Variants in ORC2 observed in about 807,000 individuals in gnomAD.
The protein encoded by ORC2 is origin recognition complex protein 2 homolog.
In ORC2, 37 loss-of-function variants were observed where a neutral mutation model predicts 77.7. The observed-to-expected ratio is 0.48, with a 90% CI of 0.37 to 0.63. The LOEUF (loss-of-function observed/expected upper bound fraction) is 0.63. Among genes scored for constraint, ORC2 ranks in the 20% least tolerant of loss-of-function variants. The pLI, the probability that ORC2 is intolerant of heterozygous loss-of-function variation, is 0.00. For synonymous variants in ORC2, 201 were observed against 229.5 expected (o/e 0.88, Z 1.12); for missense variants, 557 against 661.9 (o/e 0.84, Z 1.74).
At chr2:200,946,114 C>T (rs552880101) in intron 5 of ORC2, among the ~76,000 whole-genome samples, 36 of 152,064 alleles carry the variant, frequency 2.4e-4, no homozygotes, top group Middle Eastern at 3.4e-3. Flanking sequence ...ATTTCTAGCC[C>T]TATATCTTGG....
At chr2:200,945,132 C>T (rs930854789) in intron 5 of ORC2, among the ~76,000 whole-genome samples, 4 of 152,198 alleles carry the variant, frequency 2.6e-5, no homozygotes, top group Non-Finnish European at 5.9e-5. Context: ...CTGACCTTTG[C>T]TCTGTATTAA....
intron 4 of ORC2, among the ~76,000 whole-genome samples, chr2:200,956,115 T>A (rs2125033688): frequency 6.6e-6 from 1 of 152,360 alleles, no homozygotes; most frequent in African/African-American, 2.4e-5. Flanking sequence ...TCACCCAGGC[T>A]GAGTATAGTG....
chr2:200,930,295 C>T (rs2040916235), intron 11 of ORC2, among the ~76,000 whole-genome samples: 2 of 152,140 alleles, frequency 1.3e-5, no homozygotes, highest in South Asian at 4.1e-4. Flanking sequence ...AGAGAGCTAG[C>T]AATTCCAACA....
At position 200,952,675 on chromosome 2, in the gene ORC2, TAA is replaced by T. The variant is rs1315852689; in HGVS notation, c.239-3034_239-3033del. Among the ~76,000 whole-genome samples, 9 of 152,148 alleles carry T rather than the reference TAA, an allele frequency of 5.9e-5. No homozygotes were observed. In the East Asian group the frequency reaches 1.7e-3, roughly 29 times the overall value. The stretch of plus-strand genomic sequence containing the variant: ...TGAGAATGAGAAACTGTAAAAGATT[TAA>T]GAGAAAATTTGAGAAACATGAAAGC... On this transcript the variant is annotated intron_variant, in intron 4 of 17. Transcript: ENST00000234296.
At chr2:200,929,733 G>A (rs2040905395) in intron 11 of ORC2, among the ~76,000 whole-genome samples, 1 of 151,920 alleles carries the variant, frequency 6.6e-6, no homozygotes, top group East Asian at 1.9e-4. Context: ...GGAGGTTGGG[G>A]CTCCTTGAGC....
At chr2:200,930,952 T>C (rs1448815555) in intron 11 of ORC2, among the ~76,000 whole-genome samples, 1 of 152,176 alleles carries the variant, frequency 6.6e-6, no homozygotes, top group East Asian at 1.9e-4. Flanking sequence ...AAGATTAAAG[T>C]AAATATTATC....
At chr2:200,947,493 C>A (rs2041271067) in intron 5 of ORC2, among the ~76,000 whole-genome samples, 1 of 152,176 alleles carries the variant, frequency 6.6e-6, no homozygotes, top group Non-Finnish European at 1.5e-5. Context: ...AAACAAACCA[C>A]TGAAGAAATA....
Position 200,955,528 on chromosome 2 carries a change from C to T in ORC2, c.238+1873G>A, listed in dbSNP as rs534444309. Among the ~76,000 whole-genome samples the T allele has an allele frequency of 4.3e-4, 65 of 152,206 alleles. 1 individual carries two copies. The highest frequency in any genetic ancestry group is 1.5e-3 in the African/African-American group (64 of 41,508). Reference sequence around the variant, plus strand: ...GTCCAGATTTTAAAAATGAATTGAGCTAAATTGACTCTTGAGAATCTAGAA... The same window carrying T: ...GTCCAGATTTTAAAAATGAATTGAGTTAAATTGACTCTTGAGAATCTAGAA... On this transcript the variant is annotated intron_variant, in intron 4 of 17. Transcript: ENST00000234296.
At chr2:200,925,558 A>C (rs1431339700) in intron 13 of ORC2, among the ~76,000 whole-genome samples, 4 of 152,030 alleles carry the variant, frequency 2.6e-5, no homozygotes, top group Non-Finnish European at 5.9e-5. Flanking sequence ...TGGGCAACAT[A>C]GCGAGACCTC....
In ORC2 at chr2:200,935,888, T is replaced by G; in HGVS notation, c.519A>C (p.Pro173=). The change falls in exon 9 of 18, where the codon CCA becomes CCC. Residue 173 remains proline, a synonymous_variant. Transcript: ENST00000234296. ...CGCTTTCACTGTCAGAATGAGACCT[T>G]GGAACTGTGGGGGGAAAAATAGCAA... ...PRSLRKRLIV[P]RSHSDSESEY... The G allele has an allele frequency of 6.2e-7, 1 of 1,610,602 alleles. No individual in the cohort carries two copies. Among genetic ancestry groups the G allele is most frequent in the South Asian group, 1.1e-5 (1 of 90,400 alleles).
intron 1 of ORC2, 113 bp downstream of exon 1, chr2:200,963,377 T>C: frequency 2.5e-6 from 1 of 398,224 alleles, no homozygotes; most frequent in Non-Finnish European, 4.4e-6. Context: ...ATGCGCGACT[T>C]GGGACGCTAG....
At chr2:200,944,830 A>G (rs1374249392) in intron 5 of ORC2, among the ~76,000 whole-genome samples, 1 of 152,146 alleles carries the variant, frequency 6.6e-6, no homozygotes, top group Non-Finnish European at 1.5e-5. Context: ...ATGAGTCACC[A>G]CGCCCAGCGG....
rs2040540805 is a variant in ORC2 at position 200,910,993 on chromosome 2, TA to T, written c.*307del. 1 of 214,272 alleles carries T rather than the reference TA, an allele frequency of 4.7e-6. No individual in the cohort carries two copies. The highest frequency in any genetic ancestry group is 2.3e-5 in the African/African-American group (1 of 43,904). 13.3% of individuals were successfully genotyped at this position (214,272 alleles called of 1,614,324 possible). A position where few individuals can be genotyped will look rare whatever the true frequency, so the allele number is the denominator to read the frequency against. ...AAAAAATTCAGAATATCTCTAAGTATAAAATAATTCAAAAACATCCAGTTCC... is the reference window on the plus strand; with the variant it reads ...AAAAAATTCAGAATATCTCTAAGTATAAATAATTCAAAAACATCCAGTTCC... On this transcript the variant is annotated 3_prime_UTR_variant, in exon 18 of 18. Transcript: ENST00000234296.
At chr2:200,934,272 T>C (rs1298192386) in intron 9 of ORC2, among the ~76,000 whole-genome samples, 1 of 151,968 alleles carries the variant, frequency 6.6e-6, no homozygotes, top group African/African-American at 2.4e-5. Flanking sequence ...AGAGAGATGG[T>C]TTTATATATC....
chr2:200,956,610 G>A (rs986587979), intron 4 of ORC2, among the ~76,000 whole-genome samples: 5 of 152,016 alleles, frequency 3.3e-5, no homozygotes, highest in East Asian at 1.9e-4. Flanking sequence ...GATCACAGGC[G>A]TGAGCCACCA....
At chr2:200,922,596 CG>C (rs1454687251) in intron 13 of ORC2, among the ~76,000 whole-genome samples, 1 of 151,254 alleles carries the variant, frequency 6.6e-6, no homozygotes, top group Non-Finnish European at 1.5e-5. Context: ...CTCTTCTACT[CG>C]GGGGTAGATG....
intron 11 of ORC2, among the ~76,000 whole-genome samples, chr2:200,927,990 G>A (rs1384163299): frequency 6.6e-6 from 1 of 151,632 alleles, no homozygotes; most frequent in African/African-American, 2.4e-5. Flanking sequence ...GCAAGGCCAG[G>A]AATCAATGTT....
At chr2:200,955,829 T>C (rs1575186062) in intron 4 of ORC2, among the ~76,000 whole-genome samples, 1 of 152,320 alleles carries the variant, frequency 6.6e-6, no homozygotes. Flanking sequence ...CTGTGTTCCT[T>C]GTACCCAGGA....
intron 5 of ORC2, 119 bp downstream of exon 5, chr2:200,949,435 A>C (rs1293779335): frequency 1.6e-6 from 1 of 639,492 alleles, no homozygotes; most frequent in African/African-American, 1.9e-5. Flanking sequence ...TCCCTAAACC[A>C]TAGGGAATCT....
Sources: allele counts gnomAD v4.1 joint callset (sites outside exome capture counted in the v4.1 genomes callset), GRCh38; gene constraint gnomAD v4.1.1; transcripts MANE v1.5; gene names NCBI Gene and HGNC (gene_info 2026-07-23, HGNC 2026-07-21).